Variants in SPTLC2 observed in about 807,000 individuals in gnomAD.
SPTLC2 encodes the protein serine palmitoyltransferase 2.
Under a neutral mutation model 62.0 loss-of-function variants are expected in SPTLC2, and 21 were observed. The observed-to-expected ratio is 0.34, with a 90% confidence interval of 0.24 to 0.49. SPTLC2 has a LOEUF of 0.49. SPTLC2 is among the 20% of genes least tolerant of loss of function. The pLI is 0.99. For synonymous variants in SPTLC2, 261 were observed against 261.8 expected, an observed-to-expected ratio of 1.00 and a Z score of 0.03; for missense variants, 511 against 713.0, an observed-to-expected ratio of 0.72 and a Z score of 3.23.
chr14:77,581,077 G>T (rs538472085), intron 2 of SPTLC2, among the ~76,000 whole-genome samples: 19 of 152,166 alleles, frequency 1.2e-4, no homozygotes, highest in Non-Finnish European at 2.5e-4. Context: ...TGAATGTAAA[G>T]GGTAAACCAA....
chr14:77,543,052 T>C (rs2079509870), intron 9 of SPTLC2, among the ~76,000 whole-genome samples: 1 of 152,096 alleles, frequency 6.6e-6, no homozygotes, highest in African/African-American at 2.4e-5. Flanking sequence ...AGAAAGTCTT[T>C]TGTTTGTTTG....
At chr14:77,603,537 G>A (rs1053586385) in intron 1 of SPTLC2, among the ~76,000 whole-genome samples, 1 of 152,226 alleles carries the variant, frequency 6.6e-6, no homozygotes, top group South Asian at 2.1e-4. Context: ...ATGTCCAGAA[G>A]TGTCTCCTTT....
chr14:77,589,023 A>C lies in SPTLC2; in HGVS notation c.327+8163T>G, dbSNP rs1276784888. On this transcript the variant is annotated intron_variant, in intron 2 of 11. Transcript: ENST00000216484. ...AAAAAAAAAAAAAAAAAAAAAAAAA[A>C]AAAAAACACACAAAGAAAGAAAAGA... 2.2e-4 allele frequency among the ~76,000 whole-genome samples: 29 copies of C among 134,760 alleles called. No homozygotes were observed. The East Asian group carries it at 5.6e-3, about 26-fold the overall frequency. The allele number at this position is 134,760 out of a possible 152,430, so 88.4% of individuals were successfully genotyped here.
rs1595021255 is a variant in SPTLC2, at chr14:77,610,412, G to T, written c.132+6036C>A. Among the ~76,000 whole-genome samples, 4 of 152,216 alleles carry T rather than the reference G, an allele frequency of 2.6e-5. No individual in the cohort carries two copies. In the South Asian group the frequency reaches 8.3e-4, roughly 32 times the overall value. On this transcript the variant is annotated intron_variant, in intron 1 of 11. Transcript: ENST00000216484. ...CCATCTCGGCTTCCCAAAGTGCTGG[G>T]ATTACAGGCGTGAGCCACGGTACCT...
intron 4 of SPTLC2, among the ~76,000 whole-genome samples, chr14:77,571,144 G>A (rs573305550): frequency 9.8e-5 from 15 of 152,292 alleles, no homozygotes; most frequent in African/African-American, 2.6e-4. Context: ...AGAATCATGA[G>A]CAAATAAATC....
At chr14:77,609,181 TAAG>T (rs2079921668) in intron 1 of SPTLC2, among the ~76,000 whole-genome samples, 1 of 152,088 alleles carries the variant, frequency 6.6e-6, no homozygotes, top group African/African-American at 2.4e-5. Context: ...CCAATCCTTT[TAAG>T]AAGTCTGTCC....
chr14:77,534,220 A>G (rs2079457270), intron 9 of SPTLC2, among the ~76,000 whole-genome samples: 1 of 141,274 alleles, frequency 7.1e-6, no homozygotes, highest in Admixed American at 7.1e-5. Flanking sequence ...ACACACACAC[A>G]AATGCATATC....
At chr14:77,592,006 G>C (rs2079820541) in intron 2 of SPTLC2, among the ~76,000 whole-genome samples, 2 of 152,000 alleles carry the variant, frequency 1.3e-5, no homozygotes, top group Admixed American at 1.3e-4. Flanking sequence ...TTATAGACGT[G>C]AGCCGCCGTG....
intron 4 of SPTLC2, among the ~76,000 whole-genome samples, chr14:77,576,458 C>T (rs1269337918): frequency 2.0e-5 from 3 of 152,184 alleles, no homozygotes; most frequent in Admixed American, 6.6e-5. Context: ...ATAAGTGGCA[C>T]TCTTAACCAC....
At position 77,576,763 on chromosome 14, in the gene SPTLC2, T is replaced by G; in HGVS notation, c.631+4A>C. On this transcript the variant is annotated splice_donor_region_variant and intron_variant, in intron 4 of 11. Transcript: ENST00000216484. ...GCAGCTGGCCAAATACAGCTTTCACTTACCAATTTCCTGCCGAGTACTGCA... is the reference window on the plus strand; with the variant it reads ...GCAGCTGGCCAAATACAGCTTTCACGTACCAATTTCCTGCCGAGTACTGCA... 6.2e-7 allele frequency: 1 copy of G among 1,614,182 alleles called. No individual in the cohort carries two copies. The highest frequency in any genetic ancestry group is 8.5e-7 in the Non-Finnish European group (1 of 1,180,028).
chr14:77,582,350 G>A (rs549408630), intron 2 of SPTLC2, among the ~76,000 whole-genome samples: 13 of 152,114 alleles, frequency 8.5e-5, no homozygotes, highest in African/African-American at 2.7e-4. Context: ...TATGGCGCCC[G>A]GCCAATCTCA....
intron 11 of SPTLC2, among the ~76,000 whole-genome samples, chr14:77,517,234 ACTCT>A (rs528600917): frequency 6.7e-4 from 102 of 152,134 alleles, no homozygotes; most frequent in Non-Finnish European, 9.9e-4. Flanking sequence ...CAAGGGCAAA[ACTCT>A]CTCTCAAAAA....
intron 7 of SPTLC2, among the ~76,000 whole-genome samples, chr14:77,556,626 C>T (rs1253882058): frequency 1.3e-5 from 2 of 152,222 alleles, no homozygotes; most frequent in Admixed American, 6.5e-5. Context: ...TTCCTGGCCT[C>T]GAGCGACCTC....
intron 2 of SPTLC2, among the ~76,000 whole-genome samples, chr14:77,582,767 C>G (rs1354179762): frequency 6.6e-6 from 1 of 152,176 alleles, no homozygotes; most frequent in Admixed American, 6.5e-5. Context: ...GCTGTCACAA[C>G]CAGGGATGTT....
chr14:77,575,608 T>C (rs1024602552), intron 4 of SPTLC2, among the ~76,000 whole-genome samples: 1 of 152,218 alleles, frequency 6.6e-6, no homozygotes, highest in Non-Finnish European at 1.5e-5. Flanking sequence ...CATAGCTCAC[T>C]GCAGCCTCAA....
At chr14:77,520,641 T>C (rs1304136751) in intron 10 of SPTLC2, among the ~76,000 whole-genome samples, 1 of 152,258 alleles carries the variant, frequency 6.6e-6, no homozygotes, top group Non-Finnish European at 1.5e-5. Flanking sequence ...GTATAATTAC[T>C]GTTCATTTGC....
chr14:77,525,540 G>C (rs561619975), intron 9 of SPTLC2, among the ~76,000 whole-genome samples: 26 of 151,050 alleles, frequency 1.7e-4, no homozygotes, highest in Non-Finnish European at 3.7e-4. Context: ...CCGTGAGCGA[G>C]ACTGCGCCAT....
At chr14:77,569,848 A>ATATTAATTAATTAATATTATATATAATAT (rs2079669656) in intron 5 of SPTLC2, among the ~76,000 whole-genome samples, 1 of 142,106 alleles carries the variant, frequency 7.0e-6, no homozygotes, top group Admixed American at 7.3e-5. Flanking sequence ...ACAATATTAT[A>ATATTAATTAATTAATATTATATATAATAT]TATATGTATA....
intron 9 of SPTLC2, among the ~76,000 whole-genome samples, chr14:77,538,238 T>C (rs900726435): frequency 2.4e-4 from 37 of 152,178 alleles, no homozygotes; most frequent in Non-Finnish European, 4.7e-4. Flanking sequence ...ACCCAGTAAT[T>C]ATCATCCAGG....
Sources: allele counts gnomAD v4.1 joint callset (sites outside exome capture counted in the v4.1 genomes callset), GRCh38; gene constraint gnomAD v4.1.1; transcripts MANE v1.5; gene names NCBI Gene and HGNC (gene_info 2026-07-23, HGNC 2026-07-21).